The following RFX7 variants were observed in gnomAD, a reference collection of about 807,000 sequenced individuals.
The protein encoded by RFX7 is regulatory factor X7, also known as DNA-binding protein RFX7.
A neutral mutation model predicts 111.8 loss-of-function variants in RFX7; 26 were observed. The ratio of observed to expected loss-of-function variants is 0.23; its 90% CI spans 0.17 to 0.32. The LOEUF (loss-of-function observed/expected upper bound fraction) is 0.32, where lower values mean the gene tolerates loss of function less well. Among genes scored for constraint, RFX7 ranks in the 10% least tolerant of loss-of-function variants. The pLI is 1.00. For missense variants in RFX7, 1,573 were observed against 1,772.9 expected, an observed-to-expected ratio of 0.89 and a Z score of 2.02; for synonymous variants, 624 against 624.4, an observed-to-expected ratio of 1.00 and a Z score of 0.01.
intron 2 of RFX7, among the ~76,000 whole-genome samples, chr15:56,239,981 TTTC>T (rs1370841049): frequency 8.6e-6 from 1 of 116,896 alleles, no homozygotes; most frequent in South Asian, 3.5e-4. Flanking sequence ...TGCTTTGGTA[TTTC>T]TTTTTTTTTT....
intron 3 of RFX7, among the ~76,000 whole-genome samples, chr15:56,148,864 G>A (rs544628774): frequency 2.6e-5 from 4 of 152,256 alleles, no homozygotes; most frequent in South Asian, 4.1e-4. Flanking sequence ...GGCGGATCAT[G>A]AAGTCAGGAG....
At chr15:56,125,109 C>G (rs2042125859) in intron 5 of RFX7, among the ~76,000 whole-genome samples, 1 of 152,172 alleles carries the variant, frequency 6.6e-6, no homozygotes, top group African/African-American at 2.4e-5. Context: ...ATTGAAGAGA[C>G]TGTCCTTTCC....
chr15:56,230,843 C>A (rs2043547214), intron 2 of RFX7, among the ~76,000 whole-genome samples: 1 of 152,070 alleles, frequency 6.6e-6, no homozygotes, highest in Non-Finnish European at 1.5e-5. Flanking sequence ...GCCTGTAATC[C>A]CAGCATTTTG....
In RFX7 at chr15:56,147,066, T is replaced by C. The variant is rs539414811; in HGVS notation, c.196-2583A>G. Among the ~76,000 whole-genome samples, 9 of 152,310 alleles carry C rather than the reference T, an allele frequency of 5.9e-5. No homozygotes were observed. In the East Asian group the frequency reaches 1.7e-3, roughly 29 times the overall value. ...TGTGGCAAGTATGTTAAACATCTGA[T>C]TATTTGATATGCTTTATGACAATTT... On this transcript the variant is annotated intron_variant, in intron 3 of 9. Transcript: ENST00000559447.
intron 3 of RFX7, among the ~76,000 whole-genome samples, chr15:56,161,058 A>AT (rs113055576): frequency 6.6e-6 from 1 of 152,062 alleles, no homozygotes; most frequent in African/African-American, 2.4e-5. Flanking sequence ...AAATGGCTTA[A>AT]TTTTCTGTTC....
intron 2 of RFX7, among the ~76,000 whole-genome samples, chr15:56,223,340 C>T (rs1467471450): frequency 6.6e-6 from 1 of 152,196 alleles, no homozygotes; most frequent in Non-Finnish European, 1.5e-5. Context: ...ACTCCAATCA[C>T]TGTTTCCTTT....
rs753053053 is a variant in RFX7 at position 56,089,081 on chromosome 15, C to G, written c.*4264G>C. On this transcript the variant is annotated 3_prime_UTR_variant, in exon 10 of 10. Coordinates refer to ENST00000559447, the MANE Select transcript of RFX7 (RefSeq NM_022841.7). ...CTCATTTAAGATGAATGACCACATG[C>G]TCCAGGAAATGGGCCCCCCCTCCTA... is the stretch of plus-strand genomic sequence containing the variant. 1 of 152,192 alleles carries G rather than the reference C, an allele frequency of 6.6e-6. No homozygotes were observed. The highest frequency in any genetic ancestry group is 1.5e-5 in the Non-Finnish European group (1 of 68,056). The allele number at this position is 152,192 out of a possible 1,614,324, so 9.4% of individuals were successfully genotyped here. A position where few individuals can be genotyped will look rare whatever the true frequency, so the allele number is the denominator to read the frequency against.
intron 5 of RFX7, among the ~76,000 whole-genome samples, chr15:56,141,656 A>AATATATATAT (rs368258249): frequency 0.029 from 2,421 of 83,090 alleles, 280 homozygotes; most frequent in Middle Eastern, 0.1. Flanking sequence ...GCTTACTCTA[A>AATATATATAT]ATATATATAT....
At position 56,173,087 on chromosome 15, in the gene RFX7, C is replaced by T. The variant is rs569244071; in HGVS notation, c.195+6183G>A. Among the ~76,000 whole-genome samples the T allele has an allele frequency of 4.4e-3, 667 of 152,152 alleles. 2 individuals are homozygous for T. The highest frequency in any genetic ancestry group is 7.0e-3 in the Non-Finnish European group (479 of 68,014). ...ACTTAAGCAAAGCAAGGCAGTACTGCAGAGCTAAAGAGAAGGAGGTTAGTG... is the reference window on the plus strand; with the variant it reads ...ACTTAAGCAAAGCAAGGCAGTACTGTAGAGCTAAAGAGAAGGAGGTTAGTG... On this transcript the variant is annotated intron_variant, in intron 3 of 9. Coordinates refer to ENST00000559447, the MANE Select transcript of RFX7 (RefSeq NM_022841.7).
intron 3 of RFX7, among the ~76,000 whole-genome samples, chr15:56,148,944 G>A (rs1460733712): frequency 5.3e-5 from 8 of 152,110 alleles, no homozygotes; most frequent in Non-Finnish European, 5.9e-5. Context: ...TTAGCCAGGC[G>A]TGGTGGTGGG....
At chr15:56,186,087 T>G (rs1254777446) in intron 2 of RFX7, among the ~76,000 whole-genome samples, 2 of 152,166 alleles carry the variant, frequency 1.3e-5, no homozygotes, top group African/African-American at 4.8e-5. Flanking sequence ...AACTCCACAT[T>G]CATCTACAAA....
At chr15:56,173,912 T>C (rs571130312) in intron 3 of RFX7, among the ~76,000 whole-genome samples, 3 of 152,168 alleles carry the variant, frequency 2.0e-5, no homozygotes, top group East Asian at 3.9e-4. Flanking sequence ...AAACAAATGA[T>C]AGAGATACTA....
chr15:56,093,530 A>C lies in RFX7; in HGVS notation c.4198T>G (p.Leu1400Val). 1.2e-6 allele frequency: 2 copies of C among 1,613,878 alleles called. No homozygotes were observed. The highest frequency in any genetic ancestry group is 1.7e-6 in the Non-Finnish European group (2 of 1,179,828). ...GGATCAAACAGTAGATTTGGGTCTA[A>C]AGTGTTCAAATCATTGATGCTGCCT... The part of the protein sequence containing the change: ...LSGSINDLNT[L>V]DPNLLFDPGR... The change falls in exon 10 of 10, where the codon TTA becomes GTA. Residue 1400 changes from leucine (L) to valine (V), a missense_variant. By Grantham distance (32) the Leu-to-Val change is conservative. Coordinates refer to ENST00000559447, the MANE Select transcript of RFX7 (RefSeq NM_022841.7).
chr15:56,233,284 A>C (rs1175952494), intron 2 of RFX7, among the ~76,000 whole-genome samples: 1 of 152,218 alleles, frequency 6.6e-6, no homozygotes, highest in South Asian at 2.1e-4. Context: ...AGAAAGAGAG[A>C]GCTAAGTGAA....
intron 3 of RFX7, among the ~76,000 whole-genome samples, chr15:56,172,833 T>C (rs562788981): frequency 5.3e-5 from 8 of 152,314 alleles, no homozygotes; most frequent in Admixed American, 4.6e-4. Context: ...TATATTTTAT[T>C]GAATCCTTAA....
At chr15:56,212,159 T>C (rs2043319160) in intron 2 of RFX7, among the ~76,000 whole-genome samples, 1 of 152,118 alleles carries the variant, frequency 6.6e-6, no homozygotes, top group Non-Finnish European at 1.5e-5. Flanking sequence ...TAATGGAATA[T>C]GATTCAGTGC....
intron 5 of RFX7, among the ~76,000 whole-genome samples, chr15:56,116,544 G>A (rs1183328578): frequency 1.3e-5 from 2 of 152,194 alleles, no homozygotes; most frequent in African/African-American, 2.4e-5. Context: ...AGTAGAAAAT[G>A]AGTGAGATGT....
At chr15:56,115,883 A>C (rs1286922900) in intron 5 of RFX7, among the ~76,000 whole-genome samples, 3 of 151,798 alleles carry the variant, frequency 2.0e-5, no homozygotes, top group African/African-American at 4.8e-5. Flanking sequence ...CAGAGCTTGC[A>C]GTGAGCCGAG....
chr15:56,201,936 C>G (rs564671696), intron 2 of RFX7, among the ~76,000 whole-genome samples: 1 of 152,234 alleles, frequency 6.6e-6, no homozygotes, highest in South Asian at 2.1e-4. Context: ...GAGGCTGAGG[C>G]AGGAGAGTGG....
Sources: gnomAD v4.1 joint callset for allele counts (sites outside exome capture counted in the v4.1 genomes callset) on GRCh38, gnomAD v4.1.1 for gene constraint, MANE v1.5 for transcripts, NCBI Gene and HGNC (gene_info 2026-07-23, HGNC 2026-07-21) for gene names.